Variants in MRC1 observed in about 807,000 individuals in gnomAD.
The protein encoded by MRC1 is mannose receptor C-type 1.
In MRC1, 62 loss-of-function variants were observed where a neutral mutation model predicts 102.9. That is an observed-to-expected ratio of 0.60 (90% CI 0.49 to 0.74). The LOEUF is 0.74. MRC1 is among the 30% of genes least tolerant of loss of function. The pLI, the probability that MRC1 is intolerant of heterozygous loss-of-function variation, is 0.00. For synonymous variants in MRC1, 457 were observed against 298.4 expected (o/e 1.53, Z -5.48); for missense variants, 1,237 against 862.8 (o/e 1.43, Z -5.43).
chr10:17,876,189 A>G (rs1163608131), intron 17 of MRC1, among the ~76,000 whole-genome samples: 4 of 152,156 alleles, frequency 2.6e-5, no homozygotes, highest in African/African-American at 9.7e-5. Context: ...AGGAGGTCAT[A>G]ACACAAGTTA....
chr10:17,815,735 C>T (rs1838300707), intron 1 of MRC1, among the ~76,000 whole-genome samples: 1 of 152,122 alleles, frequency 6.6e-6, no homozygotes, highest in African/African-American at 2.4e-5. Flanking sequence ...TCAGTAGTTT[C>T]CCTGAATATT....
chr10:17,821,356 T>G (rs1199307274), intron 1 of MRC1, among the ~76,000 whole-genome samples: 1 of 152,184 alleles, frequency 6.6e-6, no homozygotes, highest in Non-Finnish European at 1.5e-5. Flanking sequence ...TCCTGGATTT[T>G]CAGCTTGTTT....
At chr10:17,901,888 C>T (rs1355861279) in intron 25 of MRC1, 85 bp from the exon 26 acceptor site, 4 of 775,834 alleles carry the variant, frequency 5.2e-6, no homozygotes, top group Non-Finnish European at 9.6e-6. Flanking sequence ...GATCAATGAT[C>T]AGTTTTTGTA....
chr10:17,811,618 T>TG (rs1838224210), intron 1 of MRC1, among the ~76,000 whole-genome samples: 1 of 152,174 alleles, frequency 6.6e-6, no homozygotes, highest in Non-Finnish European at 1.5e-5. Flanking sequence ...TGGAGTGCAG[T>TG]GGTGTGATCA....
At chr10:17,835,132 A>G (rs1049288755) in intron 4 of MRC1, among the ~76,000 whole-genome samples, 2 of 152,114 alleles carry the variant, frequency 1.3e-5, no homozygotes, top group Non-Finnish European at 2.9e-5. Flanking sequence ...TTCCTCATCC[A>G]TTCTCACCCT....
chr10:17,896,993 C>T (rs1301021288), intron 23 of MRC1, among the ~76,000 whole-genome samples: 2 of 152,184 alleles, frequency 1.3e-5, no homozygotes, highest in Non-Finnish European at 2.9e-5. Flanking sequence ...TGCAAATAGT[C>T]AACTCTGCTG....
chr10:17,866,663 G>A lies in MRC1; in HGVS notation c.1885G>A (p.Ala629Thr). 1.3e-6 allele frequency: 1 copy of A among 780,826 alleles called. No homozygotes were observed. The highest frequency in any genetic ancestry group is 2.4e-6 in the Non-Finnish European group (1 of 417,966). The allele number at this position is 780,826 out of a possible 1,614,324, so 48.4% of individuals were successfully genotyped here. ...EKAKFVCKHW[A>T]EGVTHPPKPT... is the part of the protein sequence containing the mutation. ...GGCAAAATTTGTGTGCAAGCACTGG[G>A]CAGAAGGAGTAACCCACCCACCGAA... The change falls in exon 12 of 30, where the codon GCA becomes ACA. Residue 629 changes from alanine (A) to threonine (T), a missense_variant. By Grantham distance (58) the Ala-to-Thr change is moderately conservative. Transcript: ENST00000569591.
At chr10:17,885,465 C>T (rs2130697896) in intron 22 of MRC1, 30 bp downstream of exon 22, 1 of 779,886 alleles carries the variant, frequency 1.3e-6, no homozygotes. Flanking sequence ...CACCTCTCTA[C>T]ACACCATCAG....
At position 17,907,848 on chromosome 10, in the gene MRC1, C is replaced by T. The variant is rs559727284; in HGVS notation, c.4078+150C>T. 2.1e-5 allele frequency: 15 copies of T among 701,586 alleles called. No individual in the cohort carries two copies. In the South Asian group the frequency reaches 2.5e-4, roughly 12 times the overall value. 43.5% of individuals were successfully genotyped at this position (701,586 alleles called of 1,614,324 possible). A position where few individuals can be genotyped will look rare whatever the true frequency, so the allele number is the denominator to read the frequency against. On this transcript the variant is annotated intron_variant, in intron 28 of 29. Coordinates refer to ENST00000569591, the MANE Select transcript of MRC1 (RefSeq NM_002438.4). ...AAAAATCCATTCTGCCGTTGTAGTTCATTACTGTTTGCAGCTCTGCGTGAG... is the reference window on the plus strand; with the variant it reads ...AAAAATCCATTCTGCCGTTGTAGTTTATTACTGTTTGCAGCTCTGCGTGAG...
At chr10:17,887,052 T>C (rs1249228629) in intron 22 of MRC1, among the ~76,000 whole-genome samples, 2 of 152,186 alleles carry the variant, frequency 1.3e-5, no homozygotes, top group African/African-American at 4.8e-5. Context: ...GCCGGGTGAA[T>C]ACATTCTGGT....
chr10:17,866,487 G>A, intron 11 of MRC1, 75 bp from the exon 12 acceptor site: 2 of 780,608 alleles, frequency 2.6e-6, no homozygotes, highest in Non-Finnish European at 4.8e-6. Flanking sequence ...GCTCGGTTCT[G>A]AGTGCCTTCT....
At position 17,898,286 on chromosome 10, in the gene MRC1, T is replaced by C. The variant is rs1393619162; in HGVS notation, c.3483+20T>C. The C allele has an allele frequency of 2.6e-6, 2 of 780,750 alleles. No individual in the cohort carries two copies. Among genetic ancestry groups the C allele is most frequent in the Non-Finnish European group, 4.8e-6 (2 of 417,936 alleles). 48.4% of individuals were successfully genotyped at this position (780,750 alleles called of 1,614,324 possible). ...AACTTGGTAAGATGCTGGAAATATG[T>C]GCAACTTGACATGATCAGTGAATTA... On this transcript the variant is annotated intron_variant, in intron 24 of 29. Transcript: ENST00000569591.
In MRC1 at chr10:17,910,788, C is replaced by A. The variant is rs1464298711; in HGVS notation, c.*323C>A. Reference sequence around the variant, plus strand: ...TTTAAGCACTCTAGAAACAATGAAGCTTCTTGGCATATTTTAAGGAGCTCC... The same window carrying A: ...TTTAAGCACTCTAGAAACAATGAAGATTCTTGGCATATTTTAAGGAGCTCC... On this transcript the variant is annotated 3_prime_UTR_variant, in exon 30 of 30. Coordinates refer to ENST00000569591, the MANE Select transcript of MRC1 (RefSeq NM_002438.4). The A allele has an allele frequency of 2.2e-5, 7 of 313,952 alleles. No homozygotes were observed. The highest frequency in any genetic ancestry group is 4.2e-5 in the Non-Finnish European group (7 of 168,078). 19.4% of individuals were successfully genotyped at this position (313,952 alleles called of 1,614,324 possible). A position where few individuals can be genotyped will look rare whatever the true frequency, so the allele number is the denominator to read the frequency against.
At chr10:17,856,377 C>G in intron 9 of MRC1, 25 bp downstream of exon 9, 2 of 829,618 alleles carry the variant, frequency 2.4e-6, no homozygotes, top group Non-Finnish European at 4.2e-6. Context: ...CCCACAGTGA[C>G]TTAAGCTGAG....
intron 6 of MRC1, among the ~76,000 whole-genome samples, 198 bp downstream of exon 6, chr10:17,845,633 T>C (rs1838815612): frequency 6.6e-6 from 1 of 152,180 alleles, no homozygotes; most frequent in South Asian, 2.1e-4. Flanking sequence ...CTGGGCATTG[T>C]GGAGATCCTC....
intron 4 of MRC1, among the ~76,000 whole-genome samples, chr10:17,838,369 C>T (rs1430687706): frequency 6.6e-6 from 1 of 152,088 alleles, no homozygotes; most frequent in Non-Finnish European, 1.5e-5. Context: ...CCTTCTGTTT[C>T]TACCCCGAAA....
At chr10:17,840,565 G>C in intron 4 of MRC1, 128 bp from the exon 5 acceptor site, 1 of 701,258 alleles carries the variant, frequency 1.4e-6, no homozygotes, top group Non-Finnish European at 2.6e-6. Context: ...AAGGAGACAT[G>C]GTAGGCATGA....
chr10:17,893,422 G>A (rs1161626531), intron 22 of MRC1, among the ~76,000 whole-genome samples: 5 of 152,154 alleles, frequency 3.3e-5, no homozygotes, highest in African/African-American at 1.2e-4. Flanking sequence ...CTCTCAAAGT[G>A]CTGGGATTAC....
intron 4 of MRC1, among the ~76,000 whole-genome samples, chr10:17,835,385 A>G (rs976186436): frequency 6.6e-6 from 1 of 152,360 alleles, no homozygotes; most frequent in South Asian, 2.1e-4. Flanking sequence ...GCTTTGTGCT[A>G]GGTCCTGGGG....
Sources: gnomAD v4.1 joint callset for allele counts (sites outside exome capture counted in the v4.1 genomes callset) on GRCh38, gnomAD v4.1.1 for gene constraint, MANE v1.5 for transcripts, NCBI Gene and HGNC (gene_info 2026-07-23, HGNC 2026-07-21) for gene names.